CELSR2: variants seen among roughly 807,000 people sequenced by gnomAD.
CELSR2 encodes cadherin EGF LAG seven-pass G-type receptor 2, also known as EGF-like protein 2.
Under a neutral mutation model 251.6 loss-of-function variants are expected in CELSR2, and 81 were observed. The observed-to-expected ratio is 0.32, with a 90% CI of 0.27 to 0.39. CELSR2 has a LOEUF of 0.39. Among genes scored for constraint, CELSR2 ranks in the 10% least tolerant of loss-of-function variants. The probability of loss-of-function intolerance (pLI) is 1.00; values close to 1 mark genes in which losing one functional copy is unlikely to be tolerated. For synonymous variants in CELSR2, 1,721 were observed against 1,670.5 expected (o/e 1.03, Z -0.74); for missense variants, 3,365 against 3,947.7 (o/e 0.85, Z 3.96).
chr1:109,263,110 A>C, intron 7 of CELSR2, 32 bp from the exon 8 acceptor site: 1 of 1,586,190 alleles, frequency 6.3e-7, no homozygotes, highest in Non-Finnish European at 8.6e-7. Context: ...GCCCCAGCTC[A>C]GGTCCACTGA....
chr1:109,274,566 C>T lies in CELSR2; in HGVS notation c.*517C>T. ...CCACACGCAGCCAGGGCTTCACACC[C>T]TTCAGGCTGCACCCGGGCAGGCCTC... is the stretch of plus-strand genomic sequence containing the variant. On this transcript the variant is annotated 3_prime_UTR_variant, in exon 34 of 34. Transcript: ENST00000271332. 1 of 166,966 alleles carries T rather than the reference C, an allele frequency of 6.0e-6. No homozygotes were observed. The highest frequency in any genetic ancestry group is 1.3e-5 in the Non-Finnish European group (1 of 77,134). The allele number at this position is 166,966 out of a possible 1,614,324, so 10.3% of individuals were successfully genotyped here.
In CELSR2 at chr1:109,261,438, G is replaced by A. The variant is rs1656018978; in HGVS notation, c.4182-75G>A. 15 of 1,441,898 alleles carry A rather than the reference G, an allele frequency of 1.0e-5. No individual in the cohort carries two copies. In the Admixed American group the frequency reaches 2.0e-4, roughly 19 times the overall value. The allele number at this position is 1,441,898 out of a possible 1,614,324, so 89.3% of individuals were successfully genotyped here. A position where few individuals can be genotyped will look rare whatever the true frequency, so the allele number is the denominator to read the frequency against. The stretch of plus-strand genomic sequence containing the variant: ...CTGCCAGCAGATCTCCCTCCCCTGC[G>A]CTGGTTAGGTGGCGGGGGTGCTGGC... On this transcript the variant is annotated intron_variant, in intron 3 of 33. Coordinates refer to ENST00000271332, the MANE Select transcript of CELSR2 (RefSeq NM_001408.3). The surrounding 1 kb of genome is among the most constrained non-coding windows in gnomAD (Gnocchi z 4.8).
Position 109,273,286 on chromosome 1 carries a change from G to A in CELSR2, c.8459G>A (p.Arg2820Gln), listed in dbSNP as rs535413124. The change falls in exon 32 of 34, where the codon CGA becomes CAA. Residue 2820 changes from arginine (R) to glutamine (Q), a missense_variant. This residue lies in a region of CELSR2 where 2,093 missense variants were observed against 2,382.8 expected (regional missense o/e 0.88). Transcript: ENST00000271332. Reference sequence around the variant, plus strand: ...CGGGAGAATGGAGATGCCCTGTCTCGAGAGGGGTCCCTAGGCCCCCTTCCA... The same window carrying A: ...CGGGAGAATGGAGATGCCCTGTCTCAAGAGGGGTCCCTAGGCCCCCTTCCA... Reference protein sequence around the residue: ...RLRENGDALSREGSLGPLPGS... With the variant: ...RLRENGDALSQEGSLGPLPGS... 54 of 1,605,144 alleles carry A rather than the reference G, an allele frequency of 3.4e-5. 1 individual carries two copies. In the South Asian group the frequency reaches 4.6e-4, roughly 14 times the overall value.
In CELSR2 at chr1:109,268,593, G is replaced by T; in HGVS notation, c.6331G>T (p.Val2111Leu). Residue 2111 changes from valine (V) to leucine (L), a missense_variant, in exon 18 of 34, where the codon GTG becomes TTG. By Grantham distance (32) the Val-to-Leu change is conservative. Transcript: ENST00000271332. ...TTGCCCACCCCAGAATCTGCTGCGG[G>T]TGGGCAGCGCCCTCCTGGACACAGC... Reference protein sequence around the residue: ...DVHFTENLLRVGSALLDTANK... With the variant: ...DVHFTENLLRLGSALLDTANK... 6.2e-7 allele frequency: 1 copy of T among 1,609,988 alleles called. No homozygotes were observed. The highest frequency in any genetic ancestry group is 8.5e-7 in the Non-Finnish European group (1 of 1,177,532).
chr1:109,271,353 A>T (rs1325910859), intron 26 of CELSR2, 33 bp from the exon 27 acceptor site: 1 of 1,612,406 alleles, frequency 6.2e-7, no homozygotes, highest in Non-Finnish European at 8.5e-7. Flanking sequence ...GGGAGGTCTC[A>T]TGGCCGGACT....
intron 13 of CELSR2, 111 bp from the exon 14 acceptor site, chr1:109,265,624 G>A: frequency 7.6e-7 from 1 of 1,308,830 alleles, no homozygotes; most frequent in Non-Finnish European, 1.1e-6. Flanking sequence ...TACTGCTCCT[G>A]AGGGGACCTG....
intron 6 of CELSR2, among the ~76,000 whole-genome samples, 181 bp downstream of exon 6, chr1:109,262,625 G>C (rs1656049900): frequency 6.6e-6 from 1 of 152,196 alleles, no homozygotes; most frequent in Non-Finnish European, 1.5e-5. Context: ...AGTCTGGGGA[G>C]GGGGCTGAGT....
Position 109,264,543 on chromosome 1 carries a change from G to A in CELSR2, c.5379G>A (p.Leu1793=), listed in dbSNP as rs1462424563. 1.9e-6 allele frequency: 3 copies of A among 1,614,200 alleles called. No individual in the cohort carries two copies. Among genetic ancestry groups the A allele is most frequent in the Middle Eastern group, 1.6e-4 (1 of 6,062 alleles). ...ESINVEQGCS[L]PDPCDSNPCP... ...TCAACGTGGAGCAAGGCTGTAGCCT[G>A]CCTGACCCTTGTGACTCAAACCCGT... Residue 1793 remains leucine, a synonymous_variant, in exon 11 of 34, where the codon CTG becomes CTA. Coordinates refer to ENST00000271332, the MANE Select transcript of CELSR2 (RefSeq NM_001408.3).
Position 109,258,429 on chromosome 1 carries a change from C to T in CELSR2, c.3311-3C>T. The T allele has an allele frequency of 6.4e-7, 1 of 1,564,648 alleles. No individual in the cohort carries two copies. The highest frequency in any genetic ancestry group is 1.8e-5 in the Admixed American group (1 of 56,520). On this transcript the variant is annotated splice_polypyrimidine_tract_variant and splice_region_variant and intron_variant, in intron 1 of 33. Coordinates refer to ENST00000271332, the MANE Select transcript of CELSR2 (RefSeq NM_001408.3). ...TGGGTCCTGACTGTGTCCCTCTCCA[C>T]AGACGGCGTACACAGCGTGACCGCC...
Position 109,274,135 on chromosome 1 carries a change from C to T in CELSR2, c.*86C>T, listed in dbSNP as rs571517034. 7 of 1,609,582 alleles carry T rather than the reference C, an allele frequency of 4.3e-6. 1 individual carries two copies. In the South Asian group the frequency reaches 5.5e-5, roughly 13 times the overall value. On this transcript the variant is annotated 3_prime_UTR_variant, in exon 34 of 34. Transcript: ENST00000271332. Reference sequence around the variant, plus strand: ...TGCTCCTGTCTTGTGCTTTATCCTGCCCCGCTCCCCATCGCCTGCCCGCAG... The same window carrying T: ...TGCTCCTGTCTTGTGCTTTATCCTGTCCCGCTCCCCATCGCCTGCCCGCAG...
intron 7 of CELSR2, 50 bp downstream of exon 7, chr1:109,263,019 G>C (rs1294064088): frequency 1.9e-6 from 3 of 1,599,802 alleles, no homozygotes; most frequent in Non-Finnish European, 2.6e-6. Context: ...GCTGAGAGGA[G>C]GGGCTGTGCC....
chr1:109,264,049 G>A, intron 9 of CELSR2, 29 bp from the exon 10 acceptor site: 1 of 1,547,594 alleles, frequency 6.5e-7, no homozygotes, highest in Non-Finnish European at 8.7e-7. Context: ...GCCGTCTGCT[G>A]ACCCTGTTTT....
In CELSR2 at chr1:109,251,875, CTG is replaced by C. The variant is rs1434490069; in HGVS notation, c.1798_1799del (p.Val600ProfsTer21). On this transcript the variant is annotated frameshift_variant, in exon 1 of 34. Coordinates refer to ENST00000271332, the MANE Select transcript of CELSR2 (RefSeq NM_001408.3). LOFTEE classifies it high-confidence loss of function. The surrounding 1 kb of genome is among the most constrained non-coding windows in gnomAD (Gnocchi z 4.9). ...ACTGCCTCGGCCAGTGTCAGCGTGA[CTG>C]TCCTGGATGTCAACGACAACAATCC... 1 of 1,613,982 alleles carries C rather than the reference CTG, an allele frequency of 6.2e-7. No individual in the cohort carries two copies. Among genetic ancestry groups the C allele is most frequent in the African/African-American group, 1.3e-5 (1 of 74,920 alleles).
chr1:109,273,829 A>G, intron 33 of CELSR2, 159 bp downstream of exon 33: 1 of 993,090 alleles, frequency 1.0e-6, no homozygotes, highest in Non-Finnish European at 1.5e-6. Flanking sequence ...CCCACAAACC[A>G]TGGTGCCTTG....
At chr1:109,268,827 G>A in intron 18 of CELSR2, 53 bp from the exon 19 acceptor site, 3 of 1,584,320 alleles carry the variant, frequency 1.9e-6, no homozygotes, top group East Asian at 2.3e-5. Flanking sequence ...GAGCGGCTGT[G>A]CTGGGGTCCT....
Position 109,252,136 on chromosome 1 carries a change from C to A in CELSR2, c.2057C>A (p.Thr686Asn), listed in dbSNP as rs1419759626. The A allele has an allele frequency of 1.2e-6, 2 of 1,613,940 alleles. No homozygotes were observed. The highest frequency in any genetic ancestry group is 2.2e-5 in the East Asian group (1 of 44,898). The change falls in exon 1 of 34, where the codon ACC becomes AAC. Residue 686 changes from threonine (T) to asparagine (N), a missense_variant. Physicochemically the swap from Thr to Asn is moderately conservative, Grantham distance 65. This residue lies in a region of CELSR2 where 505 missense variants were observed against 660.0 expected (regional missense o/e 0.77). Coordinates refer to ENST00000271332, the MANE Select transcript of CELSR2 (RefSeq NM_001408.3). The surrounding 1 kb of genome is among the most constrained non-coding windows in gnomAD (Gnocchi z 4.8). The part of the protein sequence containing the change: ...KLERQYVLAV[T>N]ASDGTRQDTA... Reference sequence around the variant, plus strand: ...GAGCGGCAGTATGTGTTGGCTGTTACCGCCTCCGATGGCACTCGGCAGGAC... The same window carrying A: ...GAGCGGCAGTATGTGTTGGCTGTTAACGCCTCCGATGGCACTCGGCAGGAC...
At position 109,270,483 on chromosome 1, in the gene CELSR2, T is replaced by G; in HGVS notation, c.7366T>G (p.Trp2456Gly). The G allele has an allele frequency of 6.2e-7, 1 of 1,614,240 alleles. No homozygotes were observed. Among genetic ancestry groups the G allele is most frequent in the South Asian group, 1.1e-5 (1 of 91,092 alleles). ...CTTCCTGTACCTCTGCACCTTTTCC[T>G]GGGCTCTGCTGGAGGCCTTGCACCT... is the stretch of plus-strand genomic sequence containing the variant. ...LHFLYLCTFSWALLEALHLYR... is the reference protein window; with the variant it reads ...LHFLYLCTFSGALLEALHLYR... The change falls in exon 24 of 34, where the codon TGG (tryptophan) becomes GGG (glycine). Residue 2456 changes from tryptophan (W) to glycine (G), a missense_variant. Trp to Gly is a radical substitution (Grantham distance 184). Coordinates refer to ENST00000271332, the MANE Select transcript of CELSR2 (RefSeq NM_001408.3).
At chr1:109,267,432 T>G in intron 15 of CELSR2, 116 bp from the exon 16 acceptor site, 1 of 862,706 alleles carries the variant, frequency 1.2e-6, no homozygotes, top group South Asian at 1.7e-5. Context: ...GGCCCTTGTT[T>G]GCTAGTTACT....
In CELSR2 at chr1:109,269,077, G is replaced by A. The variant is rs1177371695; in HGVS notation, c.6632-33G>A. The A allele has an allele frequency of 6.3e-7, 1 of 1,597,512 alleles. No individual in the cohort carries two copies. The highest frequency in any genetic ancestry group is 8.6e-7 in the Non-Finnish European group (1 of 1,169,498). ...TCTGTGCAGACTCCACAGAGAGCAG[G>A]GCCCAGCTAAGTGTGACAGTGTCCC... On this transcript the variant is annotated intron_variant, in intron 19 of 33. Transcript: ENST00000271332. The surrounding 1 kb of genome is among the most constrained non-coding windows in gnomAD (Gnocchi z 6.4).
Sources: gnomAD v4.1 joint callset for allele counts (sites outside exome capture counted in the v4.1 genomes callset) on GRCh38, gnomAD v4.1.1 for gene constraint, gnomAD v4.1.1 regional missense constraint, Gnocchi (gnomAD v3.1) non-coding constraint, MANE v1.5 for transcripts, NCBI Gene and HGNC (gene_info 2026-07-23, HGNC 2026-07-21) for gene names.